IL1R1: variants seen among roughly 807,000 people sequenced by gnomAD.
IL1R1 encodes interleukin 1 receptor type 1.
IL1R1 carries 22 observed loss-of-function variants against 50.2 expected under a neutral mutation model. The observed-to-expected ratio is 0.44, with a 90% CI of 0.31 to 0.63. The LOEUF (loss-of-function observed/expected upper bound fraction) is 0.63, where lower values mean the gene tolerates loss of function less well. Ranked by LOEUF, IL1R1 falls within the 20% of genes least tolerant of loss-of-function variation. The pLI is 0.07. For missense variants in IL1R1, 509 were observed against 676.2 expected, an observed-to-expected ratio of 0.75 and a Z score of 2.74; for synonymous variants, 251 against 236.7, an observed-to-expected ratio of 1.06 and a Z score of -0.55.
chr2:102,075,926 C>T (rs1211234603), intron 1 of IL1R1, among the ~76,000 whole-genome samples: 2 of 152,186 alleles, frequency 1.3e-5, no homozygotes, highest in African/African-American at 2.4e-5. Flanking sequence ...ATCAACAGTG[C>T]ACACCTGAAA....
At position 102,124,313 on chromosome 2, in the gene IL1R1, G is replaced by A. The variant is rs112571897; in HGVS notation, c.-84+19441G>A. Among the ~76,000 whole-genome samples the A allele has an allele frequency of 8.1e-3, 1,229 of 152,074 alleles. 15 individuals are homozygous for A. Among genetic ancestry groups the A allele is most frequent in the African/African-American group, 0.025 (1,027 of 41,486 alleles). The stretch of plus-strand genomic sequence containing the variant: ...GGTGCGCCTGTAATCCCAGCTACTC[G>A]GGAGGCTGAGGCAGGAGAATCGCTT... On this transcript the variant is annotated intron_variant, in intron 1 of 10. Coordinates refer to the IL1R1 transcript ENST00000409329.
chr2:102,143,378 CCTT>C (rs1259527782), intron 1 of IL1R1, among the ~76,000 whole-genome samples: 1 of 152,174 alleles, frequency 6.6e-6, no homozygotes, highest in African/African-American at 2.4e-5. Flanking sequence ...CCGTCAGTCT[CCTT>C]AACAAGGTAA....
chr2:102,156,577 T>C (rs1684213872), intron 2 of IL1R1, among the ~76,000 whole-genome samples: 2 of 151,916 alleles, frequency 1.3e-5, no homozygotes, highest in Admixed American at 6.6e-5. Flanking sequence ...AGTGGCACCA[T>C]CTTGGCTCAC....
chr2:102,167,193 T>A (rs1051120428), intron 6 of IL1R1, among the ~76,000 whole-genome samples: 6 of 152,178 alleles, frequency 3.9e-5, no homozygotes, highest in Non-Finnish European at 7.3e-5. Context: ...AGCTTCACTT[T>A]TCCAGTTATA....
chr2:102,178,422 C>A lies in IL1R1; in HGVS notation c.*1663C>A, dbSNP rs1686318284. ...ATGTTTAAAAACATTCCCCAATTAT[C>A]TTATTTAATTTTTGCAATTATTCTA... On this transcript the variant is annotated 3_prime_UTR_variant, in exon 12 of 12. Coordinates refer to ENST00000410023, the MANE Select transcript of IL1R1 (RefSeq NM_000877.4). The A allele has an allele frequency of 6.6e-6, 1 of 152,172 alleles. No individual in the cohort carries two copies. The highest frequency in any genetic ancestry group is 1.5e-5 in the Non-Finnish European group (1 of 68,020). 9.4% of individuals were successfully genotyped at this position (152,172 alleles called of 1,614,324 possible).
At chr2:102,102,094 G>A (rs1249220091), upstream of IL1R1, among the ~76,000 whole-genome samples, 1 of 152,130 alleles carries the variant, frequency 6.6e-6, no homozygotes, top group Non-Finnish European at 1.5e-5. Flanking sequence ...GAAATCATCT[G>A]GAGTGGAAAA....
chr2:102,082,866 A>T (rs1256654572), intron 1 of IL1R1, among the ~76,000 whole-genome samples: 1 of 152,088 alleles, frequency 6.6e-6, no homozygotes, highest in African/African-American at 2.4e-5. Flanking sequence ...GAGTTTTAAA[A>T]TTTTTCTAAT....
intron 8 of IL1R1, 92 bp from the exon 9 acceptor site, chr2:102,172,595 T>A: frequency 1.7e-6 from 2 of 1,174,558 alleles, no homozygotes; most frequent in Non-Finnish European, 1.1e-6. Flanking sequence ...GGCAATTTTG[T>A]CACAAATAAG....
chr2:102,175,745 G>A, intron 11 of IL1R1, 100 bp downstream of exon 11: 1 of 1,092,088 alleles, frequency 9.2e-7, no homozygotes, highest in South Asian at 1.3e-5. Context: ...AGGGGTATAT[G>A]TTTCACAATT....
chr2:102,098,024 T>C (rs969685640), intron 1 of IL1R1, among the ~76,000 whole-genome samples: 2 of 152,062 alleles, frequency 1.3e-5, no homozygotes, highest in African/African-American at 4.8e-5. Flanking sequence ...TGAAATAAAA[T>C]TATCAGTGTA....
At chr2:102,151,720 C>T (rs565373713) in intron 1 of IL1R1, among the ~76,000 whole-genome samples, 3 of 152,338 alleles carry the variant, frequency 2.0e-5, no homozygotes, top group South Asian at 4.1e-4. Context: ...TTTGGAGGAG[C>T]AGATGTCTGC....
chr2:102,122,971 C>A (rs1681481967), intron 1 of IL1R1, among the ~76,000 whole-genome samples: 3 of 152,184 alleles, frequency 2.0e-5, no homozygotes, highest in African/African-American at 7.2e-5. Flanking sequence ...GCCAAGGTGT[C>A]TTTTAGGCTC....
At chr2:102,111,747 C>T (rs569877360) in intron 1 of IL1R1, among the ~76,000 whole-genome samples, 53 of 152,222 alleles carry the variant, frequency 3.5e-4, no homozygotes, top group Middle Eastern at 6.8e-3. Context: ...TAACTCTGCC[C>T]CAGGGGCCTG....
chr2:102,098,261 A>G (rs1679989585), intron 1 of IL1R1, among the ~76,000 whole-genome samples: 1 of 152,188 alleles, frequency 6.6e-6, no homozygotes, highest in African/African-American at 2.4e-5. Context: ...TCTTAACCTG[A>G]TAAATGATGT....
chr2:102,176,210 TG>T, intron 11 of IL1R1, 142 bp from the exon 12 acceptor site: 2 of 659,192 alleles, frequency 3.0e-6, no homozygotes, highest in Admixed American at 3.0e-5. Flanking sequence ...ATTAAAAACA[TG>T]GGAAACTCCT....
At chr2:102,133,663 T>C (rs1053303142) in intron 1 of IL1R1, among the ~76,000 whole-genome samples, 1 of 152,198 alleles carries the variant, frequency 6.6e-6, no homozygotes, top group African/African-American at 2.4e-5. Flanking sequence ...AGAAAAACAA[T>C]CATATAATTG....
intron 1 of IL1R1, among the ~76,000 whole-genome samples, chr2:102,144,649 T>C (rs780645478): frequency 6.6e-6 from 1 of 152,190 alleles, no homozygotes; most frequent in Non-Finnish European, 1.5e-5. Flanking sequence ...CTCTGTCCCC[T>C]TATGGACATG....
upstream of IL1R1, among the ~76,000 whole-genome samples, chr2:102,100,478 A>T (rs10469839): frequency 6.6e-6 from 1 of 152,186 alleles, no homozygotes; most frequent in Non-Finnish European, 1.5e-5. Flanking sequence ...CAACTCTACT[A>T]ACCATATTCT....
At chr2:102,117,212 T>A (rs572293524) in intron 1 of IL1R1, among the ~76,000 whole-genome samples, 1 of 152,198 alleles carries the variant, frequency 6.6e-6, no homozygotes, top group Non-Finnish European at 1.5e-5. Flanking sequence ...ATTTTTGGGT[T>A]GACCAAATAA....
Sources: gnomAD v4.1 joint callset for allele counts (sites outside exome capture counted in the v4.1 genomes callset) on GRCh38, gnomAD v4.1.1 for gene constraint, MANE v1.5 for transcripts, NCBI Gene and HGNC (gene_info 2026-07-23, HGNC 2026-07-21) for gene names.